The following CNBD1 variants were observed in gnomAD, a reference collection of about 807,000 sequenced individuals.
CNBD1 encodes cyclic nucleotide binding domain containing 1.
In CNBD1, 71 loss-of-function variants were observed where a neutral mutation model predicts 54.4. The observed-to-expected ratio is 1.30, with a 90% CI of 1.08 to 1.59. CNBD1 has a LOEUF of 1.59. CNBD1 is among the 40% of genes most tolerant of loss of function. The pLI, the probability that CNBD1 is intolerant of heterozygous loss-of-function variation, is 0.00. For synonymous variants in CNBD1, 182 were observed against 170.7 expected (o/e 1.07, Z -0.51); for missense variants, 659 against 518.0 (o/e 1.27, Z -2.64).
At chr8:86,944,763 C>T (rs980156573) in intron 4 of CNBD1, among the ~76,000 whole-genome samples, 32 of 152,132 alleles carry the variant, frequency 2.1e-4, no homozygotes, top group African/African-American at 7.2e-4. Context: ...CTTGGTGTGA[C>T]TGGCATGTTA....
chr8:86,954,912 C>T (rs1341944494), intron 4 of CNBD1, among the ~76,000 whole-genome samples: 2 of 152,004 alleles, frequency 1.3e-5, no homozygotes. Flanking sequence ...TATATATGTG[C>T]CATGTTGGTG....
chr8:87,193,530 T>C (rs1813654467), intron 4 of CNBD1, among the ~76,000 whole-genome samples: 1 of 152,198 alleles, frequency 6.6e-6, no homozygotes, highest in African/African-American at 2.4e-5. Context: ...TGACAGGACA[T>C]AGAGATATTT....
chr8:87,207,604 C>T (rs1180104499), intron 5 of CNBD1, among the ~76,000 whole-genome samples: 1 of 151,920 alleles, frequency 6.6e-6, no homozygotes, highest in Non-Finnish European at 1.5e-5. Context: ...AAAATTAACT[C>T]TTTCTTCTAC....
At chr8:87,388,102 A>AGC (rs1244829839) in intron 2 of CNBD1, among the ~76,000 whole-genome samples, 12 of 151,682 alleles carry the variant, frequency 7.9e-5, no homozygotes, top group Non-Finnish European at 1.6e-4. Context: ...ACACATTCAA[A>AGC]ACTGTGTAGA....
intron 10 of CNBD1, among the ~76,000 whole-genome samples, chr8:87,359,231 TC>T (rs1361983603): frequency 1.4e-5 from 2 of 146,718 alleles, no homozygotes; most frequent in African/African-American, 5.5e-5. Flanking sequence ...ACATTTTAAT[TC>T]ATTCCATAGT....
intron 4 of CNBD1, among the ~76,000 whole-genome samples, chr8:87,001,937 T>C (rs1035798022): frequency 6.6e-6 from 1 of 152,196 alleles, no homozygotes; most frequent in African/African-American, 2.4e-5. Context: ...TTTAAACTTA[T>C]TGTTCTCAGT....
At chr8:86,952,189 C>T (rs1807643485) in intron 4 of CNBD1, among the ~76,000 whole-genome samples, 2 of 152,126 alleles carry the variant, frequency 1.3e-5, no homozygotes, top group African/African-American at 4.8e-5. Context: ...CTCATATCTC[C>T]CTATAACATA....
intron 6 of CNBD1, among the ~76,000 whole-genome samples, chr8:87,269,988 A>C (rs545273225): frequency 1.3e-5 from 2 of 152,020 alleles, no homozygotes; most frequent in Non-Finnish European, 2.9e-5. Context: ...TTTCTGATGA[A>C]ATAGATACAA....
chr8:86,948,746 C>T (rs981153714), intron 4 of CNBD1, among the ~76,000 whole-genome samples: 9 of 152,082 alleles, frequency 5.9e-5, no homozygotes, highest in East Asian at 3.9e-4. Context: ...CCTCACTGTG[C>T]GTAAACTTTA....
chr8:87,327,699 G>A (rs1402376922), intron 8 of CNBD1, among the ~76,000 whole-genome samples: 1 of 152,074 alleles, frequency 6.6e-6, no homozygotes, highest in African/African-American at 2.4e-5. Context: ...TGCGCCCACT[G>A]TCTGGCACTT....
chr8:86,925,225 T>G (rs62529574), intron 3 of CNBD1, among the ~76,000 whole-genome samples: 23 of 151,924 alleles, frequency 1.5e-4, no homozygotes, highest in Admixed American at 1.5e-3. Context: ...TGCCAACTTA[T>G]ATCCTGGAGC....
At chr8:87,394,304 G>A (rs1811370631) in intron 2 of CNBD1, among the ~76,000 whole-genome samples, 2 of 151,904 alleles carry the variant, frequency 1.3e-5, no homozygotes, top group Non-Finnish European at 2.9e-5. Flanking sequence ...GCATGCACAG[G>A]TGAGGGGACT....
At chr8:86,939,186 A>G (rs1325723245) in intron 3 of CNBD1, among the ~76,000 whole-genome samples, 1 of 152,182 alleles carries the variant, frequency 6.6e-6, no homozygotes, top group African/African-American at 2.4e-5. Flanking sequence ...TACCAGTGGT[A>G]AATAAAAGTT....
intron 3 of CNBD1, among the ~76,000 whole-genome samples, chr8:86,926,960 G>T (rs185361125): frequency 5.5e-4 from 83 of 152,252 alleles, no homozygotes; most frequent in African/African-American, 1.9e-3. Flanking sequence ...CACTGATAGG[G>T]TCTGATTTCC....
intron 1 of CNBD1, among the ~76,000 whole-genome samples, chr8:86,879,442 G>T (rs565507907): frequency 6.6e-6 from 1 of 152,196 alleles, no homozygotes; most frequent in Non-Finnish European, 1.5e-5. Context: ...GTTTCAAAAA[G>T]TGTCACTGGT....
chr8:87,390,167 C>T (rs1811278090), intron 2 of CNBD1, among the ~76,000 whole-genome samples: 1 of 152,022 alleles, frequency 6.6e-6, no homozygotes, highest in South Asian at 2.1e-4. Context: ...CTAGGCAATA[C>T]CATTCAGGAC....
chr8:86,973,995 A>G (rs1808282562), intron 4 of CNBD1, among the ~76,000 whole-genome samples: 1 of 152,166 alleles, frequency 6.6e-6, no homozygotes, highest in Admixed American at 6.5e-5. Flanking sequence ...TCTAATAAAA[A>G]TTTAATCTTC....
intron 6 of CNBD1, among the ~76,000 whole-genome samples, chr8:87,280,149 A>T (rs1808567174): frequency 6.6e-6 from 1 of 151,608 alleles, no homozygotes; most frequent in South Asian, 2.1e-4. Flanking sequence ...TCCAGATATC[A>T]GTGTATAGTC....
chr8:87,132,810 TA>T (rs1261106725), intron 4 of CNBD1, among the ~76,000 whole-genome samples: 1 of 145,976 alleles, frequency 6.9e-6, no homozygotes, highest in African/African-American at 2.6e-5. Context: ...TATATATACA[TA>T]TATATATACA....
Sources: allele counts gnomAD v4.1 joint callset (sites outside exome capture counted in the v4.1 genomes callset), GRCh38; gene constraint gnomAD v4.1.1; transcripts MANE v1.5; gene names NCBI Gene and HGNC (gene_info 2026-07-23, HGNC 2026-07-21).